The following SLC25A13 variants were observed in gnomAD, a reference collection of about 807,000 sequenced individuals.
SLC25A13 encodes the protein electrogenic aspartate/glutamate antiporter SLC25A13, mitochondrial.
SLC25A13 carries 70 observed loss-of-function variants against 85.5 expected under a neutral mutation model. The ratio of observed to expected loss-of-function variants is 0.82; its 90% CI spans 0.68 to 1.00. The LOEUF (loss-of-function observed/expected upper bound fraction) is 1.00, where lower values mean the gene tolerates loss of function less well. Among genes scored for constraint, SLC25A13 ranks in the 50% least tolerant of loss-of-function variants. SLC25A13 has a pLI of 0.00. For synonymous variants in SLC25A13, 259 were observed against 288.7 expected (o/e 0.90, Z 1.04); for missense variants, 765 against 819.8 (o/e 0.93, Z 0.82).
intron 5 of SLC25A13, among the ~76,000 whole-genome samples, chr7:96,195,655 A>G (rs1044370781): frequency 6.6e-6 from 1 of 152,156 alleles, no homozygotes; most frequent in African/African-American, 2.4e-5. Flanking sequence ...AACTAGTCTT[A>G]GCCTCATCTC....
At chr7:96,273,877 A>T (rs748435980) in intron 3 of SLC25A13, among the ~76,000 whole-genome samples, 9 of 152,186 alleles carry the variant, frequency 5.9e-5, no homozygotes, top group Non-Finnish European at 1.0e-4. Context: ...AAACAACTAG[A>T]TTTTCCACAG....
At chr7:96,277,127 G>T in intron 3 of SLC25A13, 69 bp downstream of exon 3, 1 of 1,449,598 alleles carries the variant, frequency 6.9e-7, no homozygotes, top group South Asian at 1.3e-5. Context: ...ATGACTTCCT[G>T]GTCATTAGAG....
chr7:96,137,226 T>A (rs1792326202), intron 14 of SLC25A13, among the ~76,000 whole-genome samples: 1 of 152,186 alleles, frequency 6.6e-6, no homozygotes, highest in Admixed American at 6.5e-5. Flanking sequence ...CCAAGACCTA[T>A]TATGTGATTG....
chr7:96,180,190 T>C (rs930469796), intron 11 of SLC25A13, among the ~76,000 whole-genome samples: 3 of 152,120 alleles, frequency 2.0e-5, no homozygotes, highest in Non-Finnish European at 4.4e-5. Context: ...TTTTTGCCAA[T>C]TTCCTCAAAG....
rs1312001801 is a variant in SLC25A13 at position 96,182,859 on chromosome 7, G to A, written c.1177+1418C>T. 2.0e-5 allele frequency among the ~76,000 whole-genome samples: 3 copies of A among 152,128 alleles called. No individual in the cohort carries two copies. The East Asian group carries it at 5.8e-4, about 29-fold the overall frequency. The stretch of plus-strand genomic sequence containing the variant: ...GACATTTAATCTAATACCAAGAAAA[G>A]CCCAAAAAGTAGTTTATGAAGCAAT... On this transcript the variant is annotated intron_variant, in intron 11 of 17. Transcript: ENST00000265631.
chr7:96,172,767 A>AT (rs111484924), intron 11 of SLC25A13, among the ~76,000 whole-genome samples: 3,280 of 147,292 alleles, frequency 0.022, 116 homozygotes, highest in African/African-American at 0.077. Flanking sequence ...GCCAGTTTGT[A>AT]TTTTTTTTTT....
chr7:96,210,920 C>T (rs895887046), intron 4 of SLC25A13, among the ~76,000 whole-genome samples: 4 of 151,060 alleles, frequency 2.6e-5, no homozygotes, highest in Admixed American at 6.6e-5. Context: ...AAAGTTTTAA[C>T]GTAATAATCA....
intron 1 of SLC25A13, among the ~76,000 whole-genome samples, chr7:96,299,371 T>C (rs1354550298): frequency 6.6e-6 from 1 of 152,228 alleles, no homozygotes; most frequent in East Asian, 1.9e-4. Context: ...ATAAGGCATG[T>C]TGCCTAACAT....
intron 13 of SLC25A13, among the ~76,000 whole-genome samples, chr7:96,163,232 C>A (rs1179937167): frequency 6.6e-6 from 1 of 152,170 alleles, no homozygotes; most frequent in African/African-American, 2.4e-5. Flanking sequence ...CTTGTTTCTG[C>A]CCAGGACTCT....
At chr7:96,145,819 T>C (rs1303884512) in intron 14 of SLC25A13, among the ~76,000 whole-genome samples, 1 of 152,238 alleles carries the variant, frequency 6.6e-6, no homozygotes, top group African/African-American at 2.4e-5. Flanking sequence ...ATTAATTTTA[T>C]ATAATGTGAC....
chr7:96,156,765 T>G (rs1461132033), intron 13 of SLC25A13, among the ~76,000 whole-genome samples: 1 of 152,068 alleles, frequency 6.6e-6, no homozygotes, highest in East Asian at 1.9e-4. Context: ...CAGGCTGGTT[T>G]CAAATTCCTG....
chr7:96,171,185 A>G (rs1029190970), intron 12 of SLC25A13, among the ~76,000 whole-genome samples: 5 of 152,186 alleles, frequency 3.3e-5, no homozygotes, highest in Non-Finnish European at 7.3e-5. Context: ...AACGTAATAT[A>G]CGTCATGTGC....
At chr7:96,241,597 CA>C (rs550159888) in intron 3 of SLC25A13, among the ~76,000 whole-genome samples, 43 of 151,966 alleles carry the variant, frequency 2.8e-4, no homozygotes, top group African/African-American at 1.0e-3. Context: ...GAAGGCACAC[CA>C]AAGTGTTGGC....
rs530359449 is a variant in SLC25A13, at chr7:96,146,838, G to A, written c.1312-142C>T. 7 of 994,486 alleles carry A rather than the reference G, an allele frequency of 7.0e-6. No homozygotes were observed. The Admixed American group carries it at 7.9e-5, about 11-fold the overall frequency. The allele number at this position is 994,486 out of a possible 1,614,324, so 61.6% of individuals were successfully genotyped here. On this transcript the variant is annotated intron_variant, in intron 13 of 17. Coordinates refer to ENST00000265631, the MANE Select transcript of SLC25A13 (RefSeq NM_014251.3). The stretch of plus-strand genomic sequence containing the variant: ...CAGCCCTTGTCCCATCAATCAAAAC[G>A]GTTAGGGATTACAAGTATGAATCAA...
intron 3 of SLC25A13, among the ~76,000 whole-genome samples, chr7:96,263,346 T>A (rs1797928935): frequency 6.6e-6 from 1 of 152,206 alleles, no homozygotes; most frequent in South Asian, 2.1e-4. Context: ...TAGAATTCAG[T>A]GTATAGTGAC....
At chr7:96,274,823 A>T (rs1798383633) in intron 3 of SLC25A13, among the ~76,000 whole-genome samples, 1 of 152,084 alleles carries the variant, frequency 6.6e-6, no homozygotes, top group South Asian at 2.1e-4. Context: ...GGTTGTAGAT[A>T]TGCAGCATTA....
chr7:96,239,059 A>ATGAC (rs1011330085), intron 3 of SLC25A13, among the ~76,000 whole-genome samples: 1 of 140,570 alleles, frequency 7.1e-6, no homozygotes, highest in African/African-American at 2.6e-5. Context: ...ATATATATAT[A>ATGAC]TATATATATG....
At chr7:96,247,819 T>A (rs1347843448) in intron 3 of SLC25A13, among the ~76,000 whole-genome samples, 1 of 152,116 alleles carries the variant, frequency 6.6e-6, no homozygotes, top group Non-Finnish European at 1.5e-5. Context: ...AATTAACACA[T>A]GCACCACATA....
chr7:96,167,332 T>G (rs1042609981), intron 13 of SLC25A13, among the ~76,000 whole-genome samples: 1 of 152,230 alleles, frequency 6.6e-6, no homozygotes, highest in African/African-American at 2.4e-5. Context: ...GGGATAAACT[T>G]TATTCCTTTT....
Sources: gnomAD v4.1 joint callset for allele counts (sites outside exome capture counted in the v4.1 genomes callset) on GRCh38, gnomAD v4.1.1 for gene constraint, MANE v1.5 for transcripts, NCBI Gene and HGNC (gene_info 2026-07-23, HGNC 2026-07-21) for gene names.